Variants in CCDC178 observed in about 807,000 individuals in gnomAD.
CCDC178 encodes the protein coiled-coil domain containing 178, also known as coiled-coil domain-containing protein 178.
Under a neutral mutation model 117.4 loss-of-function variants are expected in CCDC178, and 126 were observed. The ratio of observed to expected loss-of-function variants is 1.07; its 90% CI spans 0.93 to 1.24. CCDC178 has a LOEUF of 1.24. CCDC178 is among the 50% of genes most tolerant of loss of function. The pLI is 0.00. For synonymous variants in CCDC178, 283 were observed against 313.4 expected (o/e 0.90, Z 1.02); for missense variants, 1,030 against 986.9 (o/e 1.04, Z -0.59).
At chr18:33,101,292 T>C (rs2057622229) in intron 20 of CCDC178, among the ~76,000 whole-genome samples, 1 of 151,676 alleles carries the variant, frequency 6.6e-6, no homozygotes, top group South Asian at 2.1e-4. Context: ...AAAATATATA[T>C]TTTAAAAGTC....
intron 21 of CCDC178, among the ~76,000 whole-genome samples, chr18:33,023,036 T>C (rs2056152896): frequency 6.6e-6 from 1 of 152,100 alleles, no homozygotes; most frequent in East Asian, 1.9e-4. Context: ...GAAGAAGTTA[T>C]AGCAATCCTA....
At chr18:33,273,579 A>G (rs925342548) in intron 12 of CCDC178, among the ~76,000 whole-genome samples, 2 of 151,694 alleles carry the variant, frequency 1.3e-5, no homozygotes, top group African/African-American at 4.8e-5. Flanking sequence ...TTAATTACCA[A>G]TTGATTTTAA....
At chr18:32,978,617 A>G (rs1325606368) in intron 21 of CCDC178, among the ~76,000 whole-genome samples, 1 of 152,264 alleles carries the variant, frequency 6.6e-6, no homozygotes, top group African/African-American at 2.4e-5. Context: ...TAAACTTCAG[A>G]AATCTTCCTG....
chr18:33,175,878 CAAAAATGTCTATTGCTTTTTCT>C (rs2058659028), intron 20 of CCDC178, among the ~76,000 whole-genome samples: 1 of 152,146 alleles, frequency 6.6e-6, no homozygotes, highest in African/African-American at 2.4e-5. Flanking sequence ...GCCTTCCATC[CAAAAATGTCTATTGCTTTTTCT>C]GGAACCTCTG....
chr18:33,314,188 G>C (rs1208506945), intron 11 of CCDC178, among the ~76,000 whole-genome samples: 13 of 107,038 alleles, frequency 1.2e-4, no homozygotes, highest in African/African-American at 4.8e-4. Context: ...GTGACAGAGC[G>C]AGACTCCGTC....
intron 21 of CCDC178, among the ~76,000 whole-genome samples, chr18:33,087,131 G>T (rs1468087999): frequency 2.0e-5 from 3 of 151,774 alleles, no homozygotes; most frequent in Admixed American, 1.3e-4. Flanking sequence ...TTAAGGTGTG[G>T]CTAATATTAA....
At chr18:33,348,431 T>C (rs1321768471) in intron 8 of CCDC178, among the ~76,000 whole-genome samples, 1 of 151,936 alleles carries the variant, frequency 6.6e-6, no homozygotes, top group African/African-American at 2.4e-5. Context: ...CAATTTTCAA[T>C]ATGGTAGTCA....
intron 14 of CCDC178, among the ~76,000 whole-genome samples, chr18:33,266,363 G>A: frequency 6.6e-6 from 1 of 151,640 alleles, no homozygotes; most frequent in Middle Eastern, 3.2e-3. Context: ...TATAGGGTTT[G>A]GTACAATCTG....
intron 12 of CCDC178, among the ~76,000 whole-genome samples, chr18:33,280,904 G>A (rs1322251292): frequency 6.6e-6 from 1 of 152,054 alleles, no homozygotes; most frequent in African/African-American, 2.4e-5. Flanking sequence ...ATTGAACAAT[G>A]AGAACACATG....
intron 21 of CCDC178, among the ~76,000 whole-genome samples, chr18:33,003,219 A>G (rs964354603): frequency 1.3e-5 from 2 of 151,874 alleles, no homozygotes; most frequent in Admixed American, 6.6e-5. Context: ...ACAAAGATGC[A>G]CCAAAAAAAA....
intron 22 of CCDC178, among the ~76,000 whole-genome samples, chr18:32,971,764 C>T (rs1332560964): frequency 1.3e-5 from 2 of 152,180 alleles, no homozygotes; most frequent in African/African-American, 4.8e-5. Flanking sequence ...TTGCATTTCT[C>T]TAATGATCAG....
intron 7 of CCDC178, among the ~76,000 whole-genome samples, chr18:33,349,773 A>G (rs1019086898): frequency 4.6e-5 from 7 of 151,910 alleles, no homozygotes; most frequent in African/African-American, 1.7e-4. Flanking sequence ...AACTGTATAC[A>G]TACCAAAAAT....
chr18:33,064,357 G>C (rs1022840178), intron 21 of CCDC178, among the ~76,000 whole-genome samples: 1 of 152,082 alleles, frequency 6.6e-6, no homozygotes, highest in African/African-American at 2.4e-5. Flanking sequence ...ATCGTAAAAA[G>C]AACCAAGTAG....
intron 19 of CCDC178, among the ~76,000 whole-genome samples, chr18:33,213,656 C>T (rs1266238954): frequency 6.6e-6 from 1 of 152,008 alleles, no homozygotes; most frequent in Non-Finnish European, 1.5e-5. Context: ...CATTTATATA[C>T]ACTATGTACG....
intron 20 of CCDC178, among the ~76,000 whole-genome samples, chr18:33,205,278 C>T (rs2059034446): frequency 6.6e-6 from 1 of 151,778 alleles, no homozygotes. Context: ...AGCAAAATCA[C>T]TCTAAATATT....
chr18:32,944,568 GTTT>G (rs1353525409), intron 22 of CCDC178, among the ~76,000 whole-genome samples: 1 of 152,210 alleles, frequency 6.6e-6, no homozygotes, highest in East Asian at 1.9e-4. Flanking sequence ...AAGGTTTATG[GTTT>G]TTTTCCCCAA....
At chr18:33,202,140 A>T (rs1026640874) in intron 20 of CCDC178, among the ~76,000 whole-genome samples, 1 of 152,026 alleles carries the variant, frequency 6.6e-6, no homozygotes, top group African/African-American at 2.4e-5. Flanking sequence ...CACGCCTGTA[A>T]TCCCAGCACT....
chr18:33,116,190 C>G (rs1309110548), intron 20 of CCDC178, among the ~76,000 whole-genome samples: 4 of 152,000 alleles, frequency 2.6e-5, no homozygotes, highest in Non-Finnish European at 5.9e-5. Flanking sequence ...CCTTTCTAAA[C>G]CTCAAGCTAC....
chr18:33,160,592 C>T (rs1018136366), intron 20 of CCDC178, among the ~76,000 whole-genome samples: 1 of 152,106 alleles, frequency 6.6e-6, no homozygotes, highest in Non-Finnish European at 1.5e-5. Flanking sequence ...TCTCTCGATA[C>T]TCTGTCCATC....
Sources: allele counts gnomAD v4.1 joint callset (sites outside exome capture counted in the v4.1 genomes callset), GRCh38; gene constraint gnomAD v4.1.1; transcripts MANE v1.5; gene names NCBI Gene and HGNC (gene_info 2026-07-23, HGNC 2026-07-21).